LHFPL2: variants seen among roughly 807,000 people sequenced by gnomAD.
LHFPL2 encodes LHFPL tetraspan subfamily member 2 protein.
LHFPL2 carries 7 observed loss-of-function variants against 17.5 expected under a neutral mutation model. The ratio of observed to expected loss-of-function variants is 0.40; its 90% confidence interval spans 0.23 to 0.75. The LOEUF is 0.75. Among genes scored for constraint, LHFPL2 ranks in the 30% least tolerant of loss-of-function variants. The pLI, the probability that LHFPL2 is intolerant of heterozygous loss-of-function variation, is 0.37. For synonymous variants in LHFPL2, 134 were observed against 116.2 expected (o/e 1.15, Z -0.99); for missense variants, 241 against 294.8 (o/e 0.82, Z 1.34).
rs78385579 is a variant in LHFPL2, at chr5:78,494,931, G to A, written c.431-5778C>T. Among the ~76,000 whole-genome samples the A allele has an allele frequency of 3.6e-3, 550 of 152,324 alleles. 6 individuals carry two copies. Among genetic ancestry groups the A allele is most frequent in the African/African-American group, 0.013 (532 of 41,574 alleles). The stretch of plus-strand genomic sequence containing the variant: ...ACACACCAGGAAAAGCCAAGTCACA[G>A]TCCTGATTTCCTAGCAACATTTTGC... On this transcript the variant is annotated intron_variant, in intron 4 of 4. Transcript: ENST00000380345.
chr5:78,621,673 C>T (rs1470331768), intron 2 of LHFPL2, among the ~76,000 whole-genome samples: 2 of 152,144 alleles, frequency 1.3e-5, no homozygotes, highest in African/African-American at 4.8e-5. Context: ...CCTCTTAAAA[C>T]GTGGTTTCAA....
intron 2 of LHFPL2, among the ~76,000 whole-genome samples, chr5:78,583,067 G>A (rs995790874): frequency 2.6e-5 from 4 of 151,992 alleles, no homozygotes; most frequent in African/African-American, 7.3e-5. Context: ...GATCTTTGTT[G>A]CTTTAAAGTC....
chr5:78,620,850 G>A (rs1744826831), intron 2 of LHFPL2, among the ~76,000 whole-genome samples: 1 of 152,194 alleles, frequency 6.6e-6, no homozygotes, highest in Admixed American at 6.5e-5. Flanking sequence ...TCTATTTTCG[G>A]ACCATGTGTG....
At chr5:78,639,280 GTTCCCTC>G (rs1561377559) in intron 1 of LHFPL2, among the ~76,000 whole-genome samples, 1 of 152,178 alleles carries the variant, frequency 6.6e-6, no homozygotes. Context: ...CATCAGCTTA[GTTCCCTC>G]TCATGCTGCC....
At chr5:78,490,310 T>C (rs756949755) in intron 4 of LHFPL2, among the ~76,000 whole-genome samples, 4 of 152,174 alleles carry the variant, frequency 2.6e-5, no homozygotes, top group Non-Finnish European at 4.4e-5. Context: ...CCTTCAGGTA[T>C]CAGCCCTGTG....
At chr5:78,517,711 T>G (rs1390705300) in intron 3 of LHFPL2, among the ~76,000 whole-genome samples, 1 of 152,166 alleles carries the variant, frequency 6.6e-6, no homozygotes, top group Admixed American at 6.5e-5. Context: ...ATGATTCAAT[T>G]ACCTCCCATT....
chr5:78,581,968 T>G (rs1029327482), intron 2 of LHFPL2, among the ~76,000 whole-genome samples: 3 of 152,272 alleles, frequency 2.0e-5, no homozygotes, highest in Non-Finnish European at 4.4e-5. Context: ...CAATTTCAGA[T>G]CCTGTTATTG....
chr5:78,622,569 C>T (rs1744892997), intron 2 of LHFPL2, among the ~76,000 whole-genome samples: 1 of 152,134 alleles, frequency 6.6e-6, no homozygotes, highest in African/African-American at 2.4e-5. Context: ...CACCACACAC[C>T]ACACATTCTG....
intron 4 of LHFPL2, among the ~76,000 whole-genome samples, chr5:78,494,127 C>T (rs1423936920): frequency 1.3e-5 from 2 of 152,180 alleles, no homozygotes; most frequent in Non-Finnish European, 2.9e-5. Context: ...TGCCTCACTG[C>T]ACTGTTGTTT....
intron 3 of LHFPL2, among the ~76,000 whole-genome samples, chr5:78,545,170 G>A (rs1207335611): frequency 1.3e-5 from 2 of 151,948 alleles, no homozygotes; most frequent in African/African-American, 4.9e-5. Context: ...CACGCAGAGA[G>A]CGCTTCTTCA....
chr5:78,558,632 C>A (rs572586013), intron 3 of LHFPL2, among the ~76,000 whole-genome samples: 1 of 152,266 alleles, frequency 6.6e-6, no homozygotes, highest in South Asian at 2.1e-4. Flanking sequence ...CATGTCTGTG[C>A]CAGGCTTATA....
chr5:78,494,742 TCA>T (rs1407237535), intron 4 of LHFPL2, among the ~76,000 whole-genome samples: 1 of 152,224 alleles, frequency 6.6e-6, no homozygotes, highest in Non-Finnish European at 1.5e-5. Flanking sequence ...CATATTTTCC[TCA>T]CAGAAGTTTT....
chr5:78,543,264 C>A (rs941259134), intron 3 of LHFPL2, among the ~76,000 whole-genome samples: 13 of 152,170 alleles, frequency 8.5e-5, no homozygotes, highest in African/African-American at 3.1e-4. Flanking sequence ...CTGTTTGGGA[C>A]CCCTCTCTCT....
chr5:78,512,244 A>G (rs1755153737), intron 3 of LHFPL2, among the ~76,000 whole-genome samples: 1 of 152,070 alleles, frequency 6.6e-6, no homozygotes, highest in African/African-American at 2.4e-5. Flanking sequence ...AGATGGACGA[A>G]GTCATTCATG....
intron 2 of LHFPL2, among the ~76,000 whole-genome samples, chr5:78,581,409 T>C (rs951391358): frequency 6.6e-6 from 1 of 152,212 alleles, no homozygotes; most frequent in Admixed American, 6.5e-5. Flanking sequence ...ACACATTCAG[T>C]ATGATATTGG....
intron 4 of LHFPL2, among the ~76,000 whole-genome samples, chr5:78,504,652 A>G (rs1382879672): frequency 6.6e-6 from 1 of 152,134 alleles, no homozygotes; most frequent in Non-Finnish European, 1.5e-5. Flanking sequence ...CAAAACCCCC[A>G]CGTGTCTGTC....
At chr5:78,596,229 A>G (rs576920427) in intron 2 of LHFPL2, among the ~76,000 whole-genome samples, 1 of 152,336 alleles carries the variant, frequency 6.6e-6, no homozygotes, top group Admixed American at 6.5e-5. Context: ...ATTGAATTGA[A>G]AAGATATACA....
intron 2 of LHFPL2, among the ~76,000 whole-genome samples, chr5:78,622,313 A>C (rs9293756): frequency 0.38 from 58,351 of 152,104 alleles, 11,527 homozygotes; most frequent in Middle Eastern, 0.45. Context: ...GGATTACTCA[A>C]AGCAGACTCC....
intron 2 of LHFPL2, 152 bp downstream of exon 2, chr5:78,632,112 T>A (rs1421259626): frequency 1.3e-5 from 2 of 152,132 alleles, no homozygotes; most frequent in African/African-American, 4.8e-5. Context: ...GGTAAACATC[T>A]TTATCAGGCC....
Sources: allele counts gnomAD v4.1 joint callset (sites outside exome capture counted in the v4.1 genomes callset), GRCh38; gene constraint gnomAD v4.1.1; transcripts MANE v1.5; gene names NCBI Gene and HGNC (gene_info 2026-07-23, HGNC 2026-07-21).